Variants in EYA2 observed in about 807,000 individuals in gnomAD.
EYA2 encodes the protein EYA transcriptional coactivator and phosphatase 2, also known as protein phosphatase EYA2.
In EYA2, 31 loss-of-function variants were observed where a neutral mutation model predicts 69.2. That is an observed-to-expected ratio of 0.45 (90% CI 0.34 to 0.60). The LOEUF (loss-of-function observed/expected upper bound fraction) is 0.60, where lower values mean the gene tolerates loss of function less well. EYA2 is among the 20% of genes least tolerant of loss of function. The probability of loss-of-function intolerance (pLI) is 0.02; values close to 1 mark genes in which losing one functional copy is unlikely to be tolerated. For missense variants in EYA2, 622 were observed against 701.2 expected (o/e 0.89, Z 1.28); for synonymous variants, 257 against 279.4 (o/e 0.92, Z 0.80).
rs184138151 is a variant in EYA2, at chr20:46,997,051, C to T, written c.110-4377C>T. On this transcript the variant is annotated intron_variant, in intron 2 of 15. Transcript: ENST00000327619. Reference sequence around the variant, plus strand: ...CGATGGGATTAATAGCACCCTTTCCCCCCACAAAGCGGGATTTCTGTTCCG... The same window carrying T: ...CGATGGGATTAATAGCACCCTTTCCTCCCACAAAGCGGGATTTCTGTTCCG... 2.8e-4 allele frequency among the ~76,000 whole-genome samples: 42 copies of T among 152,250 alleles called. No individual in the cohort carries two copies. The East Asian group carries it at 7.3e-3, about 27-fold the overall frequency.
intron 9 of EYA2, among the ~76,000 whole-genome samples, chr20:47,120,609 T>C (rs1459133255): frequency 1.3e-5 from 2 of 151,954 alleles, no homozygotes; most frequent in Non-Finnish European, 2.9e-5. Flanking sequence ...CACTGTGGAG[T>C]CTAAAGGTCC....
In EYA2 at chr20:47,037,624, C is replaced by T. The variant is rs1053984651; in HGVS notation, c.415+21327C>T. The stretch of plus-strand genomic sequence containing the variant: ...GGGAGCATCTGTTCCCTTGCCTTTT[C>T]CAACCTCCCAAGGCTGCCACTAGTC... On this transcript the variant is annotated intron_variant, in intron 5 of 15. Transcript: ENST00000327619. Among the ~76,000 whole-genome samples, 3 of 152,164 alleles carry T rather than the reference C, an allele frequency of 2.0e-5. No homozygotes were observed. The South Asian group carries it at 6.2e-4, about 32-fold the overall frequency.
chr20:46,930,914 T>C (rs1196252872), intron 1 of EYA2, among the ~76,000 whole-genome samples: 1 of 152,204 alleles, frequency 6.6e-6, no homozygotes, highest in Non-Finnish European at 1.5e-5. Flanking sequence ...TAGGAATGCC[T>C]ACCGTAGGGT....
intron 5 of EYA2, among the ~76,000 whole-genome samples, chr20:47,045,449 T>A (rs1052948013): frequency 6.6e-6 from 1 of 152,210 alleles, no homozygotes; most frequent in African/African-American, 2.4e-5. Context: ...CCAGCCCATA[T>A]TCAAGGAGAG....
chr20:47,053,158 C>A (rs560160362), intron 5 of EYA2, among the ~76,000 whole-genome samples: 109 of 150,540 alleles, frequency 7.2e-4, no homozygotes, highest in Non-Finnish European at 1.2e-3. Flanking sequence ...CCTCAAGGAT[C>A]CTTTTTAGAC....
At position 46,929,476 on chromosome 20, in the gene EYA2, A is replaced by T. The variant is rs1412055647; in HGVS notation, c.-11+34489A>T. ...ATGAACTAGGGCCATATGATAAAAG[A>T]TTGCAAGGATGGTTTCAACTTCACA... is the stretch of plus-strand genomic sequence containing the variant. On this transcript the variant is annotated intron_variant, in intron 1 of 15. Coordinates refer to ENST00000327619, the MANE Select transcript of EYA2 (RefSeq NM_005244.5). Among the ~76,000 whole-genome samples the T allele has an allele frequency of 2.6e-5, 4 of 151,914 alleles. No individual in the cohort carries two copies. The East Asian group carries it at 7.7e-4, about 29-fold the overall frequency.
intron 9 of EYA2, among the ~76,000 whole-genome samples, chr20:47,107,381 CA>C (rs11351267): frequency 0.32 from 48,696 of 151,208 alleles, 8,137 homozygotes; most frequent in South Asian, 0.45. Context: ...AAAAATTAGC[CA>C]GGCGTGGTGG....
chr20:47,054,862 T>C (rs988762778), intron 5 of EYA2, among the ~76,000 whole-genome samples: 1 of 152,210 alleles, frequency 6.6e-6, no homozygotes, highest in Non-Finnish European at 1.5e-5. Context: ...CTAAACTGAC[T>C]TAATATTTTT....
At chr20:46,914,189 A>C (rs578056116) in intron 1 of EYA2, among the ~76,000 whole-genome samples, 1 of 152,192 alleles carries the variant, frequency 6.6e-6, no homozygotes, top group South Asian at 2.1e-4. Flanking sequence ...TGGATCTGTC[A>C]CCCACATTTT....
intron 5 of EYA2, among the ~76,000 whole-genome samples, chr20:47,020,469 T>C (rs1482610027): frequency 6.6e-6 from 1 of 152,252 alleles, no homozygotes; most frequent in Non-Finnish European, 1.5e-5. Flanking sequence ...TTATTTTCTT[T>C]ATTTTAAGTT....
rs538670785 is a variant in EYA2 at position 47,043,317 on chromosome 20, C to T, written c.415+27020C>T. On this transcript the variant is annotated intron_variant, in intron 5 of 15. Transcript: ENST00000327619. Reference sequence around the variant, plus strand: ...AGGACAGGAGGCACAGGCAGGGGACCCACGGAAAGGGAATGTTTTAAAAGG... The same window carrying T: ...AGGACAGGAGGCACAGGCAGGGGACTCACGGAAAGGGAATGTTTTAAAAGG... 4.6e-5 allele frequency among the ~76,000 whole-genome samples: 7 copies of T among 152,198 alleles called. No homozygotes were observed. The East Asian group carries it at 1.3e-3, about 29-fold the overall frequency.
intron 1 of EYA2, among the ~76,000 whole-genome samples, chr20:46,946,855 GTTC>G (rs1978490741): frequency 6.8e-6 from 1 of 147,466 alleles, no homozygotes. Context: ...TAAAGAGTCA[GTTC>G]TTCTTACTGC....
chr20:47,016,370 C>G, intron 5 of EYA2, 73 bp downstream of exon 5: 1 of 1,158,558 alleles, frequency 8.6e-7, no homozygotes, highest in Non-Finnish European at 1.3e-6. Context: ...TTCATTCATT[C>G]ATTCAGCAGA....
In EYA2 at chr20:47,172,685, C is replaced by A. The variant is rs764257474; in HGVS notation, c.1038-22C>A. The A allele has an allele frequency of 1.9e-6, 3 of 1,592,402 alleles. No homozygotes were observed. In the Admixed American group the frequency reaches 5.1e-5, roughly 27 times the overall value. ...CTGCACCCCCCTGCACTAACACTGT[C>A]CCTCCCCTCCTCTCTCCGCAGCACA... On this transcript the variant is annotated intron_variant, in intron 11 of 15. Transcript: ENST00000327619.
At chr20:47,141,566 A>G (rs1003812489) in intron 9 of EYA2, among the ~76,000 whole-genome samples, 2 of 152,112 alleles carry the variant, frequency 1.3e-5, no homozygotes, top group Non-Finnish European at 2.9e-5. Flanking sequence ...CATCCCCAAA[A>G]TCTCATCTAC....
intron 1 of EYA2, among the ~76,000 whole-genome samples, chr20:46,955,733 T>C (rs968642723): frequency 1.3e-5 from 2 of 152,234 alleles, no homozygotes; most frequent in Non-Finnish European, 2.9e-5. Flanking sequence ...CGACATTTTT[T>C]CACTGTTAGT....
intron 5 of EYA2, 45 bp downstream of exon 5, chr20:47,016,342 A>C (rs772097583): frequency 2.7e-6 from 4 of 1,459,254 alleles, no homozygotes; most frequent in Non-Finnish European, 2.9e-6. Flanking sequence ...TCTAAGGACC[A>C]CCTAAGTTGG....
At chr20:46,947,135 A>G (rs912806780) in intron 1 of EYA2, among the ~76,000 whole-genome samples, 7 of 152,176 alleles carry the variant, frequency 4.6e-5, no homozygotes, top group African/African-American at 7.2e-5. Flanking sequence ...CCTCTACTCT[A>G]AAGAGTTGAG....
At chr20:47,104,879 G>A (rs1044566265) in intron 9 of EYA2, among the ~76,000 whole-genome samples, 8 of 152,126 alleles carry the variant, frequency 5.3e-5, no homozygotes, top group Non-Finnish European at 7.4e-5. Flanking sequence ...AAATTAGCCA[G>A]ATGAGATGGT....
Sources: allele counts gnomAD v4.1 joint callset (sites outside exome capture counted in the v4.1 genomes callset), GRCh38; gene constraint gnomAD v4.1.1; transcripts MANE v1.5; gene names NCBI Gene and HGNC (gene_info 2026-07-23, HGNC 2026-07-21).